The following CLDN14 variants were observed in gnomAD, a reference collection of about 807,000 sequenced individuals.
CLDN14 encodes the protein claudin 14.
A neutral mutation model predicts 2.1 loss-of-function variants in CLDN14; 2 were observed. The observed-to-expected ratio is 0.96, with a 90% CI of 0.39 to 3.01. The LOEUF (loss-of-function observed/expected upper bound fraction) is 3.01, where lower values mean the gene tolerates loss of function less well. Ranked by LOEUF, CLDN14 falls within the 30% of genes most tolerant of loss-of-function variation. The pLI is 0.09. For synonymous variants in CLDN14, 136 were observed against 154.4 expected, an observed-to-expected ratio of 0.88 and a Z score of 0.88; for missense variants, 298 against 328.0, an observed-to-expected ratio of 0.91 and a Z score of 0.71.
At chr21:36,520,348 C>T (rs2087260529) in intron 1 of CLDN14, among the ~76,000 whole-genome samples, 2 of 152,206 alleles carry the variant, frequency 1.3e-5, no homozygotes, top group African/African-American at 2.4e-5. Flanking sequence ...TGTGTCCCCA[C>T]CCAAATCTCA....
rs910274101 is a variant in CLDN14, at chr21:36,498,907, C to A, written c.-82+11456G>T. On this transcript the variant is annotated intron_variant, in intron 2 of 2. Coordinates refer to the CLDN14 transcript ENST00000342108. The surrounding 1 kb of genome is among the most constrained non-coding windows in gnomAD (Gnocchi z 4.9). ...TGAGGTGCCAGGAACCTGTCCCTTT[C>A]TTCTAGGTGGTTCGCTCAGCAAGGG... Among the ~76,000 whole-genome samples the A allele has an allele frequency of 1.3e-5, 2 of 152,178 alleles. No homozygotes were observed. Among genetic ancestry groups the A allele is most frequent in the South Asian group, 4.1e-4 (2 of 4,820 alleles).
rs182639396 is a variant in CLDN14 at position 36,567,912 on chromosome 21, G to A, written c.-220+8499C>T. Among the ~76,000 whole-genome samples, 82 of 152,150 alleles carry A rather than the reference G, an allele frequency of 5.4e-4. 1 individual carries two copies. Among genetic ancestry groups the A allele is most frequent in the Non-Finnish European group, 1.1e-3 (77 of 68,016 alleles). On this transcript the variant is annotated intron_variant, in intron 1 of 2. Transcript: ENST00000342108. ...GTACCATTTATTTAGTACCTACTAT[G>A]TGGACGTTTAACCTACTATATGAGA...
chr21:36,572,581 T>C (rs1031476100), intron 1 of CLDN14, among the ~76,000 whole-genome samples: 4 of 152,218 alleles, frequency 2.6e-5, no homozygotes, highest in African/African-American at 9.7e-5. Context: ...GCATCATTTC[T>C]TATCAGTCTA....
intron 1 of CLDN14, among the ~76,000 whole-genome samples, chr21:36,560,327 G>A (rs1025599026): frequency 6.6e-6 from 1 of 151,746 alleles, no homozygotes; most frequent in Admixed American, 6.6e-5. Flanking sequence ...AAGGGGTAGT[G>A]GCATCTTCCT....
rs932825696 is a variant in CLDN14 at position 36,551,992 on chromosome 21, A to G, written c.-220+24419T>C. Among the ~76,000 whole-genome samples the G allele has an allele frequency of 6.6e-6, 1 of 152,162 alleles. No individual in the cohort carries two copies. Among genetic ancestry groups the G allele is most frequent in the Non-Finnish European group, 1.5e-5 (1 of 68,028 alleles). On this transcript the variant is annotated intron_variant, in intron 1 of 2. Coordinates refer to the CLDN14 transcript ENST00000342108. The surrounding 1 kb of genome is among the most constrained non-coding windows in gnomAD (Gnocchi z 4.8). ...GGAGGTGGTTTCATGTGAGATTTCT[A>G]CAGTTTGCTAACAGTAAAAAATGGG...
At chr21:36,537,292 G>T (rs2146506751) in intron 1 of CLDN14, among the ~76,000 whole-genome samples, 1 of 152,310 alleles carries the variant, frequency 6.6e-6, no homozygotes, top group South Asian at 2.1e-4. Flanking sequence ...AGACAACTCA[G>T]CTAGGCCCTT....
chr21:36,469,317 T>C (rs1326714712), intron 1 of CLDN14, among the ~76,000 whole-genome samples: 1 of 64,846 alleles, frequency 1.5e-5, no homozygotes. Context: ...TTCCAAACTT[T>C]CTGTAACTTT....
At chr21:36,505,396 A>G (rs1206149132) in intron 2 of CLDN14, among the ~76,000 whole-genome samples, 3 of 152,220 alleles carry the variant, frequency 2.0e-5, no homozygotes, top group Non-Finnish European at 4.4e-5. Flanking sequence ...TGGAGGAGGC[A>G]ATTCCAGGAC....
chr21:36,500,643 G>C (rs1429628085), intron 2 of CLDN14, among the ~76,000 whole-genome samples: 1 of 152,120 alleles, frequency 6.6e-6, no homozygotes, highest in Non-Finnish European at 1.5e-5. Context: ...TGCTGGTCAG[G>C]CTGATCTTGA....
chr21:36,546,821 T>C (rs995794695), intron 1 of CLDN14, among the ~76,000 whole-genome samples: 1 of 152,206 alleles, frequency 6.6e-6, no homozygotes, highest in Admixed American at 6.5e-5. Context: ...TCTAATGAGA[T>C]AGAGAGTACA....
chr21:36,469,997 C>T (rs142548069), intron 1 of CLDN14, among the ~76,000 whole-genome samples: 16 of 151,914 alleles, frequency 1.1e-4, no homozygotes, highest in African/African-American at 3.9e-4. Flanking sequence ...AACTTGTCAT[C>T]TGAGATTAAA....
rs149049781 is a variant in CLDN14, at chr21:36,461,732, C to T, written c.-37G>A. On this transcript the variant is annotated 5_prime_UTR_variant, in exon 2 of 2. Transcript: ENST00000399135. ...CTGCCTAGGCCAGCCGGGCAGCTCC[C>T]TGGGCCCTCGGGGTCACGCCGCTCC... 9.1e-6 allele frequency: 14 copies of T among 1,543,012 alleles called. 1 individual carries two copies. In the African/African-American group the frequency reaches 1.5e-4, roughly 17 times the overall value.
intron 1 of CLDN14, among the ~76,000 whole-genome samples, chr21:36,553,672 C>T (rs1486026879): frequency 6.6e-6 from 1 of 152,030 alleles, no homozygotes; most frequent in Admixed American, 6.5e-5. Flanking sequence ...AGCTAAACTT[C>T]TGACATTGGC....
Position 36,461,076 on chromosome 21 carries a change from G to A in CLDN14, c.620C>T (p.Thr207Ile), listed in dbSNP as rs1167381257. The change falls in exon 2 of 2, where the codon ACC (threonine) becomes ATC (isoleucine). Residue 207 changes from threonine to isoleucine, a missense_variant. Physicochemically the swap from Thr to Ile is moderately conservative, Grantham distance 89 (BLOSUM62 -1). Transcript: ENST00000399135. ...AGCTGGTGGCTGGTAGGCAGGTGCG[G>A]TGTTTGCAGTGGTCGTGGTGGCCCT... ...PPRATTTTAN[T>I]APAYQPPAAY... The A allele has an allele frequency of 6.2e-7, 1 of 1,614,160 alleles. No homozygotes were observed. The highest frequency in any genetic ancestry group is 8.5e-7 in the Non-Finnish European group (1 of 1,180,000).
intron 1 of CLDN14, among the ~76,000 whole-genome samples, chr21:36,539,980 T>C (rs776457246): frequency 2.0e-5 from 3 of 150,946 alleles, no homozygotes; most frequent in Non-Finnish European, 3.0e-5. Flanking sequence ...ATGTGTGTAG[T>C]ATGTGGTATA....
upstream of CLDN14, among the ~76,000 whole-genome samples, chr21:36,483,417 G>C (rs1331944746): frequency 1.3e-5 from 2 of 152,246 alleles, no homozygotes; most frequent in African/African-American, 4.8e-5. Flanking sequence ...CTCTGAGCAG[G>C]AATTGCTGGA....
chr21:36,526,117 C>CTG (rs1568869809), intron 1 of CLDN14, among the ~76,000 whole-genome samples: 1 of 152,164 alleles, frequency 6.6e-6, no homozygotes, highest in Non-Finnish European at 1.5e-5. Flanking sequence ...AGGAGTCTAG[C>CTG]TGAAGATCAT....
At chr21:36,487,413 C>G (rs111588195) in intron 2 of CLDN14, 1 of 165,144 alleles carries the variant, frequency 6.1e-6, no homozygotes, top group African/African-American at 2.4e-5. Flanking sequence ...CAACACCATC[C>G]TGCCACCCTC....
chr21:36,531,276 A>G (rs992623421), intron 1 of CLDN14, among the ~76,000 whole-genome samples: 6 of 150,488 alleles, frequency 4.0e-5, no homozygotes, highest in Non-Finnish European at 8.8e-5. Flanking sequence ...AAATATATAT[A>G]TATTTGCTAT....
Sources: gnomAD v4.1 joint callset for allele counts (sites outside exome capture counted in the v4.1 genomes callset) on GRCh38, gnomAD v4.1.1 for gene constraint, Gnocchi (gnomAD v3.1) non-coding constraint, MANE v1.5 for transcripts, NCBI Gene and HGNC (gene_info 2026-07-23, HGNC 2026-07-21) for gene names.